Variants in MSH6 observed in about 807,000 individuals in gnomAD.
MSH6 encodes the protein mutS homolog 6, also known as DNA mismatch repair protein Msh6.
MSH6 carries 85 observed loss-of-function variants against 119.1 expected under a neutral mutation model. The observed-to-expected ratio is 0.71, with a 90% CI of 0.60 to 0.85. The LOEUF is 0.85. Among genes scored for constraint, MSH6 ranks in the 40% least tolerant of loss-of-function variants. The pLI, the probability that MSH6 is intolerant of heterozygous loss-of-function variation, is 0.00. For synonymous variants in MSH6, 830 were observed against 586.9 expected, an observed-to-expected ratio of 1.41 and a Z score of -5.99; for missense variants, 2,163 against 1,655.3, an observed-to-expected ratio of 1.31 and a Z score of -5.32.
chr2:47,788,842 G>A (rs1008995192), intron 1 of MSH6, among the ~76,000 whole-genome samples: 1 of 146,994 alleles, frequency 6.8e-6, no homozygotes, highest in Non-Finnish European at 1.5e-5. Flanking sequence ...AAAATGCTGG[G>A]ATTATAGGAG....
In MSH6 at chr2:47,801,142, T is replaced by A. The variant is rs767021188; in HGVS notation, c.3159T>A (p.Cys1053Ter). ...AGGACTGGCAGTCTGCTGTAGAGTG[T>A]ATCGCAGTGTTGGGTAAGACTTTGA... ...NYKDWQSAVECIAVLDVLLCL... is the reference protein window; with the variant it reads ...NYKDWQSAVE Residue 1053 changes from cysteine to a stop codon, truncating the protein, a stop_gained, in exon 4 of 10, where the codon TGT becomes TGA. Transcript: ENST00000234420. LOFTEE classifies it high-confidence loss of function. 6.2e-7 allele frequency: 1 copy of A among 1,610,876 alleles called. No homozygotes were observed.
intron 4 of MSH6, 33 bp from the exon 5 acceptor site, chr2:47,803,387 A>G (rs1444999955): frequency 6.2e-7 from 1 of 1,614,060 alleles, no homozygotes; most frequent in Non-Finnish European, 8.5e-7. Flanking sequence ...CCCCCAAACG[A>G]TGAAGCCTCA....
rs1553331510 is a variant in MSH6 at position 47,803,552 on chromosome 2, C to G, written c.3305C>G (p.Thr1102Ser). Residue 1102 changes from threonine to serine, a missense_variant, in exon 5 of 10, where the codon ACT becomes AGT. Thr to Ser is a moderately conservative substitution (Grantham distance 58). Transcript: ENST00000234420. ...KGSRHPCITK[T>S]FFGDDFIPND... ...TCACGCCATCCTTGCATTACGAAGACTTTTTTTGGAGATGATTTTATTCCT... is the reference window on the plus strand; with the variant it reads ...TCACGCCATCCTTGCATTACGAAGAGTTTTTTTGGAGATGATTTTATTCCT... The G allele has an allele frequency of 1.9e-6, 3 of 1,613,934 alleles. No homozygotes were observed. In the Admixed American group the frequency reaches 5.0e-5, roughly 27 times the overall value.
At chr2:47,791,709 C>T (rs1260536540) in intron 2 of MSH6, among the ~76,000 whole-genome samples, 1 of 144,912 alleles carries the variant, frequency 6.9e-6, no homozygotes, top group African/African-American at 2.6e-5. Context: ...GACAGAGTCT[C>T]ACTCTGTTGC....
rs536884553 is a variant in MSH6, at chr2:47,799,183, G to A, written c.1200G>A (p.Glu400=). ...DFDASTLYVP[E]DFLNSCTPGM... ...ATGCATCTACACTCTATGTGCCTGAGGATTTCCTCAATTCTTGTACTCCTG... is the reference window on the plus strand; with the variant it reads ...ATGCATCTACACTCTATGTGCCTGAAGATTTCCTCAATTCTTGTACTCCTG... Residue 400 remains glutamate (E), a synonymous_variant, in exon 4 of 10, where the codon GAG becomes GAA. Coordinates refer to ENST00000234420, the MANE Select transcript of MSH6 (RefSeq NM_000179.3). 19 of 1,614,160 alleles carry A rather than the reference G, an allele frequency of 1.2e-5. No individual in the cohort carries two copies. The East Asian group carries it at 1.3e-4, about 11-fold the overall frequency.
rs377746844 is a variant in MSH6 at position 47,803,695 on chromosome 2, TCTTA to T, written c.3438+11_3438+14del. 1.1e-4 allele frequency: 179 copies of T among 1,614,182 alleles called. 2 individuals carry two copies. In the East Asian group the frequency reaches 1.3e-3, roughly 11 times the overall value. ...TACGCTTATGAGACAGGTAACTGAT[TCTTA>T]AAGTTTTGTTATCAGAAAGTCATTT... is the stretch of plus-strand genomic sequence containing the variant. On this transcript the variant is annotated intron_variant, in intron 5 of 9. Transcript: ENST00000234420.
downstream of MSH6, chr2:47,809,146 T>C (rs771305535): frequency 1.0e-5 from 15 of 1,479,592 alleles, no homozygotes; most frequent in Non-Finnish European, 7.4e-6. Context: ...CTCAAATATA[T>C]TTCTAAGTTA....
chr2:47,788,922 G>GTTTTTTTTGTTTTTTTTGTTTTTTTT (rs1668541391), intron 1 of MSH6, among the ~76,000 whole-genome samples: 1 of 40,932 alleles, frequency 2.4e-5, no homozygotes, highest in African/African-American at 1.0e-4. Context: ...TTTTTTTTTT[G>GTTTTTTTTGTTTTTTTTGTTTTTTTT]TTTTTTTTTT....
At chr2:47,809,589 C>A, downstream of MSH6, 2 of 1,587,810 alleles carry the variant, frequency 1.3e-6, no homozygotes, top group Non-Finnish European at 1.7e-6. Flanking sequence ...GTATAGCAGA[C>A]TCCAACATAC....
downstream of MSH6, chr2:47,807,993 C>G: frequency 1.2e-6 from 1 of 846,556 alleles, no homozygotes; most frequent in Non-Finnish European, 1.8e-6. Flanking sequence ...TGTCAACTGA[C>G]CTTGTGTATC....
At chr2:47,798,061 T>A in intron 3 of MSH6, 1 of 211,822 alleles carries the variant, frequency 4.7e-6, no homozygotes, top group Non-Finnish European at 9.9e-6. Flanking sequence ...TTTGTGGGGT[T>A]GGTGTCTGCT....
intron 1 of MSH6, chr2:47,784,230 G>C (rs1301556963): frequency 1.0e-6 from 1 of 1,002,158 alleles, no homozygotes; most frequent in Non-Finnish European, 1.2e-6. Flanking sequence ...GATCCGGCTG[G>C]GTCCTTCGGT....
chr2:47,806,819 G>A lies in MSH6; in HGVS notation c.4042G>A (p.Glu1348Lys), dbSNP rs1670216733. Residue 1348 changes from glutamate to lysine, a missense_variant, in exon 10 of 10, where the codon GAA (glutamate) becomes AAA (lysine). By Grantham distance (56) the Glu-to-Lys change is moderately conservative. Coordinates refer to ENST00000234420, the MANE Select transcript of MSH6 (RefSeq NM_000179.3). ...TAGTGAAAGGTCAACTGTAGATGCT[G>A]AAGCTGTCCATAAATTGCTGACTTT... ...LASERSTVDA[E>K]AVHKLLTLIK... The A allele has an allele frequency of 6.2e-7, 1 of 1,609,616 alleles. No homozygotes were observed. Among genetic ancestry groups the A allele is most frequent in the Non-Finnish European group, 8.5e-7 (1 of 1,178,156 alleles).
rs3136284 is a variant in MSH6, at chr2:47,791,517, T to C, written c.457+394T>C. The stretch of plus-strand genomic sequence containing the variant: ...ACCTGGCCTTCAAACTACTCACTAA[T>C]GAACACATCTGAGTTGAGTTTCACA... On this transcript the variant is annotated intron_variant, in intron 2 of 9. Coordinates refer to ENST00000234420, the MANE Select transcript of MSH6 (RefSeq NM_000179.3). Among the ~76,000 whole-genome samples the C allele has an allele frequency of 0.13, 19,232 of 152,062 alleles. 1,546 individuals carry two copies. Among genetic ancestry groups the C allele is most frequent in the Non-Finnish European group, 0.19 (12,578 of 67,970 alleles).
At chr2:47,803,327 A>G in intron 4 of MSH6, 93 bp from the exon 5 acceptor site, 1 of 1,512,874 alleles carries the variant, frequency 6.6e-7, no homozygotes. Flanking sequence ...ATGTCTTATA[A>G]TGAAATGTGT....
At chr2:47,805,570 A>G in intron 6 of MSH6, 48 bp from the exon 7 acceptor site, 1 of 1,225,984 alleles carries the variant, frequency 8.2e-7, no homozygotes, top group Non-Finnish European at 1.2e-6. Context: ...AATTTATGTA[A>G]TATGATTTGC....
intron 1 of MSH6, among the ~76,000 whole-genome samples, chr2:47,788,907 C>CTTTTTTTTTTTTTTTTTTTTTTTTT (rs1558650117): frequency 5.8e-5 from 1 of 17,276 alleles, no homozygotes. Context: ...TTTCTTCTTC[C>CTTTTTTTTTTTTTTTTTTTTTTTTT]TTTTTTTTTT....
In MSH6 at chr2:47,806,659, ACTAACTAT is replaced by A. The variant is rs1170371540; in HGVS notation, c.4001+9_4001+16del. 1.2e-6 allele frequency: 2 copies of A among 1,605,300 alleles called. No homozygotes were observed. The highest frequency in any genetic ancestry group is 3.3e-5 in the Admixed American group (2 of 59,870). On this transcript the variant is annotated intron_variant, in intron 9 of 9. Coordinates refer to ENST00000234420, the MANE Select transcript of MSH6 (RefSeq NM_000179.3). ...GTCACTACGATTATTTCGGTAACTA[ACTAACTAT>A]AATGGAATTATAACTAACTGACCTT...
At chr2:47,807,078 A>C (rs555592477), downstream of MSH6, 7 of 547,682 alleles carry the variant, frequency 1.3e-5, no homozygotes, top group Admixed American at 9.7e-5. Context: ...ATACACTTTC[A>C]GGCTGTTTTA....
Sources: allele counts gnomAD v4.1 joint callset (sites outside exome capture counted in the v4.1 genomes callset), GRCh38; gene constraint gnomAD v4.1.1; transcripts MANE v1.5; gene names NCBI Gene and HGNC (gene_info 2026-07-23, HGNC 2026-07-21).